Variants in INPP1 observed in about 807,000 individuals in gnomAD.
INPP1 encodes inositol polyphosphate-1-phosphatase.
A neutral mutation model predicts 23.0 loss-of-function variants in INPP1; 18 were observed. The ratio of observed to expected loss-of-function variants is 0.78; its 90% CI spans 0.54 to 1.16. The LOEUF is 1.16. INPP1 is among the 50% of genes most tolerant of loss of function. The pLI, the probability that INPP1 is intolerant of heterozygous loss-of-function variation, is 0.00. For synonymous variants in INPP1, 164 were observed against 176.3 expected, an observed-to-expected ratio of 0.93 and a Z score of 0.55; for missense variants, 448 against 482.1, an observed-to-expected ratio of 0.93 and a Z score of 0.66.
chr2:190,347,936 G>A (rs572393054), intron 1 of INPP1, among the ~76,000 whole-genome samples: 2 of 152,338 alleles, frequency 1.3e-5, no homozygotes, highest in African/African-American at 2.4e-5. Context: ...TCAGGAGTTC[G>A]AGACCAGCCT....
chr2:190,366,714 G>A lies in INPP1; in HGVS notation c.285G>A (p.Arg95=). The change falls in exon 5 of 7, where the codon AGG becomes AGA. Residue 95 remains arginine (R), a synonymous_variant. Coordinates refer to ENST00000392329, the MANE Select transcript of INPP1 (RefSeq NM_001128928.2). ...CCCTAGGGGAAAAGATTACCTTGAG[G>A]TTGTGTTCAACAGAGGAGGAAACAG... is the stretch of plus-strand genomic sequence containing the variant. ...TNDWGEKITL[R]LCSTEEETAE... is the part of the protein sequence containing the mutation. The A allele has an allele frequency of 1.9e-6, 3 of 1,612,724 alleles. No individual in the cohort carries two copies. The highest frequency in any genetic ancestry group is 2.5e-6 in the Non-Finnish European group (3 of 1,178,744).
rs1247798403 is a variant in INPP1 at position 190,367,965 on chromosome 2, GACCA to G, written c.466+1071_466+1074del. Among the ~76,000 whole-genome samples, 2 of 151,940 alleles carry G rather than the reference GACCA, an allele frequency of 1.3e-5. No individual in the cohort carries two copies. Among genetic ancestry groups the G allele is most frequent in the Admixed American group, 1.3e-4 (2 of 15,260 alleles). The stretch of plus-strand genomic sequence containing the variant: ...TTTTCTTCCCCACCCAACACAATGG[GACCA>G]TTCAAGGACCAGGCAAACTCCTCTC... On this transcript the variant is annotated intron_variant, in intron 5 of 6. Transcript: ENST00000392329. This position sits in a 1 kb window ranked among gnomAD's most constrained non-coding sequence, Gnocchi z 4.1.
At chr2:190,365,465 T>A (rs1276618534) in intron 4 of INPP1, among the ~76,000 whole-genome samples, 1 of 152,220 alleles carries the variant, frequency 6.6e-6, no homozygotes, top group African/African-American at 2.4e-5. Flanking sequence ...ACAGGGTGAC[T>A]TAAGTATATA....
chr2:190,348,969 C>G lies in INPP1; in HGVS notation c.-127C>G, dbSNP rs896741179. 6.6e-6 allele frequency: 1 copy of G among 152,244 alleles called. No individual in the cohort carries two copies. The highest frequency in any genetic ancestry group is 1.5e-5 in the Non-Finnish European group (1 of 68,084). The allele number at this position is 152,244 out of a possible 1,614,324, so 9.4% of individuals were successfully genotyped here. Reference sequence around the variant, plus strand: ...CCTAAGAACCAGCTCTCCTGTATCCCAAGCAAGGCTCTTTCTACCGCACAC... The same window carrying G: ...CCTAAGAACCAGCTCTCCTGTATCCGAAGCAAGGCTCTTTCTACCGCACAC... On this transcript the variant is annotated 5_prime_UTR_variant, in exon 2 of 7. Coordinates refer to ENST00000392329, the MANE Select transcript of INPP1 (RefSeq NM_001128928.2).
intron 4 of INPP1, 85 bp downstream of exon 4, chr2:190,362,772 T>A (rs1359318548): frequency 1.2e-6 from 1 of 817,112 alleles, no homozygotes. Context: ...AACTAAATGT[T>A]TGGAAGCCAC....
rs1191748920 is a variant in INPP1, at chr2:190,354,428, G to C, written c.-65+5397G>C. 1.3e-5 allele frequency among the ~76,000 whole-genome samples: 2 copies of C among 152,096 alleles called. No homozygotes were observed. The highest frequency in any genetic ancestry group is 4.8e-5 in the African/African-American group (2 of 41,390). On this transcript the variant is annotated intron_variant, in intron 2 of 6. Transcript: ENST00000392329. The surrounding 1 kb of genome is among the most constrained non-coding windows in gnomAD (Gnocchi z 4.8). Reference sequence around the variant, plus strand: ...CCCCAACCCCCAGTACCTCAGAATGGGACTGTACTTGCAGATAGGACCTTT... The same window carrying C: ...CCCCAACCCCCAGTACCTCAGAATGCGACTGTACTTGCAGATAGGACCTTT...
Position 190,369,093 on chromosome 2 carries a change from C to T in INPP1, c.467-10C>T. 6.5e-7 allele frequency: 1 copy of T among 1,533,166 alleles called. No homozygotes were observed. The highest frequency in any genetic ancestry group is 1.2e-5 in the South Asian group (1 of 80,268). The allele number at this position is 1,533,166 out of a possible 1,614,324, so 95.0% of individuals were successfully genotyped here. On this transcript the variant is annotated splice_polypyrimidine_tract_variant and intron_variant, in intron 5 of 6. Coordinates refer to ENST00000392329, the MANE Select transcript of INPP1 (RefSeq NM_001128928.2). ...TACCTGAATCCAAACACATTTGTTT[C>T]CTTTTTCAGATTCAACTTATCAGTA...
chr2:190,369,636 G>A (rs934141541), intron 6 of INPP1, among the ~76,000 whole-genome samples: 6 of 152,200 alleles, frequency 3.9e-5, no homozygotes, highest in Non-Finnish European at 8.8e-5. Context: ...AGCTGCCATC[G>A]CTGTATAGCC....
chr2:190,366,230 TTG>T, intron 4 of INPP1, among the ~76,000 whole-genome samples: 1 of 151,074 alleles, frequency 6.6e-6, no homozygotes, highest in Admixed American at 6.6e-5. Context: ...TCTCTCTTGC[TTG>T]CTCTCTGTCT....
Position 190,347,137 on chromosome 2 carries a change from G to A in INPP1, c.-208-1751G>A, listed in dbSNP as rs561509537. Among the ~76,000 whole-genome samples, 68 of 147,604 alleles carry A rather than the reference G, an allele frequency of 4.6e-4. No homozygotes were observed. The South Asian group carries it at 0.013, about 29-fold the overall frequency. Reference sequence around the variant, plus strand: ...AGCGATTCTCCTGCCTCAGCCTCCCGAGTAGCTGGGATTACAGGTGCCCGC... The same window carrying A: ...AGCGATTCTCCTGCCTCAGCCTCCCAAGTAGCTGGGATTACAGGTGCCCGC... On this transcript the variant is annotated intron_variant, in intron 1 of 6. Transcript: ENST00000392329.
intron 2 of INPP1, among the ~76,000 whole-genome samples, chr2:190,349,679 G>A (rs1007780634): frequency 6.6e-6 from 1 of 151,958 alleles, no homozygotes. Flanking sequence ...TGGCAACAGG[G>A]TTCTAAAAAC....
At chr2:190,357,605 C>A (rs2067393) in intron 2 of INPP1, among the ~76,000 whole-genome samples, 62,593 of 152,098 alleles carry the variant, frequency 0.41, 14,899 homozygotes, top group African/African-American at 0.66. Context: ...ACCAATATTT[C>A]AGATTATTTT....
At position 190,346,733 on chromosome 2, in the gene INPP1, C is replaced by T. The variant is rs940497880; in HGVS notation, c.-208-2155C>T. On this transcript the variant is annotated intron_variant, in intron 1 of 6. Coordinates refer to ENST00000392329, the MANE Select transcript of INPP1 (RefSeq NM_001128928.2). This position sits in a 1 kb window ranked among gnomAD's most constrained non-coding sequence, Gnocchi z 5.1. ...AAGGAATCCTCCCACCCCAGCCTCC[C>T]GAGTGTCTGGGACTACAGGCACGTG... 4.2e-4 allele frequency among the ~76,000 whole-genome samples: 64 copies of T among 152,122 alleles called. No individual in the cohort carries two copies. The highest frequency in any genetic ancestry group is 1.4e-3 in the African/African-American group (59 of 41,490).
Position 190,346,883 on chromosome 2 carries a change from G to C in INPP1, c.-208-2005G>C, listed in dbSNP as rs1321548507. On this transcript the variant is annotated intron_variant, in intron 1 of 6. Transcript: ENST00000392329. The surrounding 1 kb of genome is among the most constrained non-coding windows in gnomAD (Gnocchi z 5.1). ...GCCTCCCAAAATGCTGGGACTACAG[G>C]TGTGAGCTGCTGCACCCAGCCTAAT... Among the ~76,000 whole-genome samples the C allele has an allele frequency of 6.6e-6, 1 of 152,010 alleles. No individual in the cohort carries two copies. The highest frequency in any genetic ancestry group is 1.5e-5 in the Non-Finnish European group (1 of 68,008).
intron 4 of INPP1, among the ~76,000 whole-genome samples, chr2:190,365,305 A>C (rs1201541168): frequency 6.6e-6 from 1 of 152,240 alleles, no homozygotes; most frequent in East Asian, 1.9e-4. Context: ...TAGAGGCATA[A>C]AGTTTTACTA....
rs1041672138 is a variant in INPP1 at position 190,368,036 on chromosome 2, T to C, written c.467-1067T>C. On this transcript the variant is annotated intron_variant, in intron 5 of 6. Transcript: ENST00000392329. This position sits in a 1 kb window ranked among gnomAD's most constrained non-coding sequence, Gnocchi z 4.3. Reference sequence around the variant, plus strand: ...TACAAGTGCATTCACAGGATGATACTGAAATGGGTTTAATCTTCAGATAAT... The same window carrying C: ...TACAAGTGCATTCACAGGATGATACCGAAATGGGTTTAATCTTCAGATAAT... Among the ~76,000 whole-genome samples the C allele has an allele frequency of 1.3e-5, 2 of 152,182 alleles. No individual in the cohort carries two copies. Among genetic ancestry groups the C allele is most frequent in the African/African-American group, 4.8e-5 (2 of 41,434 alleles).
In INPP1 at chr2:190,371,008, A is replaced by C. The variant is rs1167278761; in HGVS notation, c.806A>C (p.Lys269Thr). Reference sequence around the variant, plus strand: ...TCAGCCGTAATTAGTACAAGTGAAAAGGAGACTATCAAAGCTGCATTGTCA... The same window carrying C: ...TCAGCCGTAATTAGTACAAGTGAAACGGAGACTATCAAAGCTGCATTGTCA... Reference protein sequence around the residue: ...SFSAVISTSEKETIKAALSRV... With the variant: ...SFSAVISTSETETIKAALSRV... Residue 269 changes from lysine (K) to threonine (T), a missense_variant, in exon 7 of 7, where the codon AAG becomes ACG. Coordinates refer to ENST00000392329, the MANE Select transcript of INPP1 (RefSeq NM_001128928.2). This position sits in a 1 kb window ranked among gnomAD's most constrained non-coding sequence, Gnocchi z 5.3. 6.2e-7 allele frequency: 1 copy of C among 1,614,208 alleles called. No homozygotes were observed. The highest frequency in any genetic ancestry group is 1.6e-4 in the Middle Eastern group (1 of 6,062).
At chr2:190,362,104 C>T (rs1191943738) in intron 3 of INPP1, among the ~76,000 whole-genome samples, 1 of 152,006 alleles carries the variant, frequency 6.6e-6, no homozygotes, top group Admixed American at 6.6e-5. Flanking sequence ...TTTCATATCC[C>T]CTTCCTAGCC....
In INPP1 at chr2:190,346,353, T is replaced by C. The variant is rs574305092; in HGVS notation, c.-209+2392T>C. Among the ~76,000 whole-genome samples, 22 of 152,328 alleles carry C rather than the reference T, an allele frequency of 1.4e-4. No individual in the cohort carries two copies. Among genetic ancestry groups the C allele is most frequent in the African/African-American group, 5.0e-4 (21 of 41,586 alleles). ...AGGACTCCTGTACATAAAATGTTCA[T>C]ATATGGAAACTGATTTTATTAATAT... On this transcript the variant is annotated intron_variant, in intron 1 of 6. Coordinates refer to ENST00000392329, the MANE Select transcript of INPP1 (RefSeq NM_001128928.2). This position sits in a 1 kb window ranked among gnomAD's most constrained non-coding sequence, Gnocchi z 5.1.
Sources: allele counts gnomAD v4.1 joint callset (sites outside exome capture counted in the v4.1 genomes callset), GRCh38; gene constraint gnomAD v4.1.1; non-coding constraint Gnocchi (gnomAD v3.1); transcripts MANE v1.5; gene names NCBI Gene and HGNC (gene_info 2026-07-23, HGNC 2026-07-21).